AKAP12: variants seen among roughly 807,000 people sequenced by gnomAD.
The protein encoded by AKAP12 is A-kinase anchoring protein 12.
AKAP12 carries 32 observed loss-of-function variants against 79.9 expected under a neutral mutation model. That is an observed-to-expected ratio of 0.40 (90% CI 0.30 to 0.54). The LOEUF is 0.54. Ranked by LOEUF, AKAP12 falls within the 20% of genes least tolerant of loss-of-function variation. The probability of loss-of-function intolerance (pLI) is 0.48; values close to 1 mark genes in which losing one functional copy is unlikely to be tolerated. For missense variants in AKAP12, 2,074 were observed against 2,177.0 expected (o/e 0.95, Z 0.94); for synonymous variants, 808 against 857.0 (o/e 0.94, Z 1.00).
intron 2 of AKAP12, among the ~76,000 whole-genome samples, chr6:151,257,267 C>T (rs1389885987): frequency 6.6e-6 from 1 of 152,024 alleles, no homozygotes; most frequent in Non-Finnish European, 1.5e-5. Flanking sequence ...TCCACGAGCA[C>T]TTAATGTTTA....
intron 2 of AKAP12, among the ~76,000 whole-genome samples, chr6:151,278,709 C>T (rs865982514): frequency 3.4e-4 from 51 of 150,694 alleles, no homozygotes; most frequent in African/African-American, 1.1e-3. Context: ...GCTCTGTCAC[C>T]CAGGCTGGAG....
intron 3 of AKAP12, among the ~76,000 whole-genome samples, chr6:151,344,207 G>A (rs1778025647): frequency 6.6e-6 from 1 of 152,096 alleles, no homozygotes; most frequent in Admixed American, 6.6e-5. Flanking sequence ...AGTTCTCAGA[G>A]GTAAAACTAA....
At chr6:151,291,755 T>C (rs1349507989) in intron 2 of AKAP12, among the ~76,000 whole-genome samples, 1 of 152,264 alleles carries the variant, frequency 6.6e-6, no homozygotes, top group Non-Finnish European at 1.5e-5. Context: ...TTAATGAGTT[T>C]TTTAAGTAAC....
chr6:151,312,147 A>G (rs1777119444), intron 3 of AKAP12, among the ~76,000 whole-genome samples: 1 of 152,122 alleles, frequency 6.6e-6, no homozygotes, highest in Non-Finnish European at 1.5e-5. Context: ...GGCATTTGAC[A>G]TCTGTCTCTC....
At position 151,349,666 on chromosome 6, in the gene AKAP12, G is replaced by GCT. The variant is rs772511145; in HGVS notation, c.1275_1276insCT (p.Glu426LeufsTer40). 5 of 1,614,074 alleles carry GCT rather than the reference G, an allele frequency of 3.1e-6. No individual in the cohort carries two copies. The East Asian group carries it at 1.1e-4, about 36-fold the overall frequency. On this transcript the variant is annotated frameshift_variant, in exon 4 of 5. Coordinates refer to ENST00000402676, the MANE Select transcript of AKAP12 (RefSeq NM_005100.4). LOFTEE classifies it high-confidence loss of function. ...CCGAAGTCCACGTCAGCACCGTGGA[G>GCT]GAGAGAACCGAAGAGCAGAAAACGG... is the stretch of plus-strand genomic sequence containing the variant.
intron 3 of AKAP12, among the ~76,000 whole-genome samples, chr6:151,344,963 G>T (rs1325355505): frequency 6.6e-6 from 1 of 152,144 alleles, no homozygotes; most frequent in Non-Finnish European, 1.5e-5. Context: ...AGAGTAATAA[G>T]ATTATATAAT....
intron 2 of AKAP12, among the ~76,000 whole-genome samples, chr6:151,284,145 C>G (rs930635598): frequency 2.0e-5 from 3 of 152,188 alleles, no homozygotes; most frequent in African/African-American, 7.2e-5. Context: ...GCCCCAGAAG[C>G]CTCCCTTGCA....
chr6:151,306,010 G>A (rs1776971052), intron 3 of AKAP12, 107 bp downstream of exon 3: 3 of 1,191,816 alleles, frequency 2.5e-6, no homozygotes, highest in Admixed American at 2.9e-5. Context: ...GGTGTTAACA[G>A]CAAAAACAAT....
At chr6:151,355,662 CTGT>C (rs1428109186) in intron 4 of AKAP12, 62 bp from the exon 5 acceptor site, 2 of 152,480 alleles carry the variant, frequency 1.3e-5, no homozygotes, top group Non-Finnish European at 2.9e-5. Context: ...GACAACTATC[CTGT>C]TGTTAATAAA....
At position 151,250,559 on chromosome 6, in the gene AKAP12, A is replaced by C. The variant is rs899000856; in HGVS notation, c.162+9835A>C. Reference sequence around the variant, plus strand: ...GGGAATCGTGTGTTCTTTTAAGCTTAGCTTGTTTTCTTGGTATGTAATAGC... The same window carrying C: ...GGGAATCGTGTGTTCTTTTAAGCTTCGCTTGTTTTCTTGGTATGTAATAGC... On this transcript the variant is annotated intron_variant, in intron 2 of 4. Coordinates refer to ENST00000402676, the MANE Select transcript of AKAP12 (RefSeq NM_005100.4). Among the ~76,000 whole-genome samples the C allele has an allele frequency of 4.0e-5, 6 of 151,850 alleles. No homozygotes were observed. The East Asian group carries it at 9.7e-4, about 25-fold the overall frequency.
chr6:151,298,712 C>T (rs1313964595), intron 2 of AKAP12: 1 of 151,804 alleles, frequency 6.6e-6, no homozygotes, highest in East Asian at 1.9e-4. Flanking sequence ...AGGAGAATCA[C>T]TTGAACCCAG....
Position 151,351,695 on chromosome 6 carries a change from A to G in AKAP12, c.3304A>G (p.Lys1102Glu), listed in dbSNP as rs748473121. 1 of 1,614,222 alleles carries G rather than the reference A, an allele frequency of 6.2e-7. No individual in the cohort carries two copies. The highest frequency in any genetic ancestry group is 8.5e-7 in the Non-Finnish European group (1 of 1,180,054). Residue 1102 changes from lysine (K) to glutamate (E), a missense_variant, in exon 4 of 5, where the codon AAA (lysine) becomes GAA (glutamate). Physicochemically the swap from Lys to Glu is moderately conservative, Grantham distance 56 (BLOSUM62 1). Transcript: ENST00000402676. The surrounding 1 kb of genome is among the most constrained non-coding windows in gnomAD (Gnocchi z 4.4). ...VVLKVDAQEA[K>E]TEPFTQGKVV... ...GTTGAAAGTAGATGCTCAGGAGGCA[A>G]AAACTGAGCCTTTTACACAAGGGAA...
At chr6:151,302,097 G>A (rs190708019) in intron 2 of AKAP12, among the ~76,000 whole-genome samples, 1 of 149,114 alleles carries the variant, frequency 6.7e-6, no homozygotes, top group Non-Finnish European at 1.5e-5. Flanking sequence ...TGCAACCTCC[G>A]CCTCCCAGGT....
chr6:151,275,455 T>A (rs145777786), intron 2 of AKAP12, among the ~76,000 whole-genome samples: 227 of 152,230 alleles, frequency 1.5e-3, no homozygotes, highest in African/African-American at 5.2e-3. Flanking sequence ...AAGAATGGAT[T>A]ATGAAAAACA....
chr6:151,328,468 C>T (rs1198465227), intron 3 of AKAP12, among the ~76,000 whole-genome samples: 3 of 151,926 alleles, frequency 2.0e-5, no homozygotes, highest in Admixed American at 6.6e-5. Flanking sequence ...GAAACCCCGT[C>T]TCTACTAAAA....
chr6:151,263,563 A>T (rs911111078), intron 2 of AKAP12, among the ~76,000 whole-genome samples: 2 of 151,646 alleles, frequency 1.3e-5, no homozygotes, highest in African/African-American at 4.8e-5. Context: ...TACTCTCTTG[A>T]GAGATTTTCT....
chr6:151,248,002 A>T (rs1797108872), intron 2 of AKAP12, among the ~76,000 whole-genome samples: 2 of 152,286 alleles, frequency 1.3e-5, no homozygotes, highest in South Asian at 2.1e-4. Flanking sequence ...TCCCAGTTGT[A>T]GTAGCATGTC....
intron 3 of AKAP12, among the ~76,000 whole-genome samples, chr6:151,335,532 C>T (rs1777789004): frequency 1.3e-5 from 2 of 152,152 alleles, no homozygotes; most frequent in Non-Finnish European, 2.9e-5. Context: ...TGTGCAGTGG[C>T]ACGATCTCCA....
At chr6:151,319,669 C>T (rs1213166509) in intron 3 of AKAP12, 2 of 156,846 alleles carry the variant, frequency 1.3e-5, no homozygotes, top group African/African-American at 4.8e-5. Flanking sequence ...TGAGGTCACC[C>T]CACTGATTGC....
Sources: gnomAD v4.1 joint callset for allele counts (sites outside exome capture counted in the v4.1 genomes callset) on GRCh38, gnomAD v4.1.1 for gene constraint, Gnocchi (gnomAD v3.1) non-coding constraint, MANE v1.5 for transcripts, NCBI Gene and HGNC (gene_info 2026-07-23, HGNC 2026-07-21) for gene names.